Variants in KIAA0586 observed in about 807,000 individuals in gnomAD.
KIAA0586 encodes the protein protein TALPID3.
KIAA0586 carries 144 observed loss-of-function variants against 169.8 expected under a neutral mutation model. The observed-to-expected ratio is 0.85, with a 90% CI of 0.74 to 0.97. KIAA0586 has a LOEUF of 0.97. Among genes scored for constraint, KIAA0586 ranks in the 50% least tolerant of loss-of-function variants. KIAA0586 has a pLI of 0.00. For synonymous variants in KIAA0586, 625 were observed against 612.4 expected (o/e 1.02, Z -0.30); for missense variants, 1,854 against 1,823.0 (o/e 1.02, Z -0.31).
intron 21 of KIAA0586, among the ~76,000 whole-genome samples, chr14:58,484,325 C>T (rs2042225490): frequency 6.6e-6 from 1 of 152,084 alleles, no homozygotes. Context: ...TAATCTCTCA[C>T]ATATATTTTA....
At chr14:58,523,093 G>A (rs573648699) in intron 29 of KIAA0586, among the ~76,000 whole-genome samples, 6 of 151,968 alleles carry the variant, frequency 3.9e-5, no homozygotes, top group Non-Finnish European at 7.4e-5. Flanking sequence ...ACAAATGTGC[G>A]TAACTAAGGA....
chr14:58,438,629 C>G (rs553331783), intron 4 of KIAA0586, among the ~76,000 whole-genome samples: 1 of 152,228 alleles, frequency 6.6e-6, no homozygotes, highest in African/African-American at 2.4e-5. Flanking sequence ...TATTTAAACC[C>G]TGGGATGGCT....
chr14:58,557,411 A>G, the KIAA0586 span, among the ~76,000 whole-genome samples: 1 of 152,164 alleles, frequency 6.6e-6, no homozygotes, highest in Non-Finnish European at 1.5e-5. Context: ...CTGACAGAGA[A>G]ATGCTGAGTG....
chr14:58,533,982 G>A (rs2046138814), intron 29 of KIAA0586, among the ~76,000 whole-genome samples: 1 of 152,156 alleles, frequency 6.6e-6, no homozygotes, highest in Admixed American at 6.5e-5. Context: ...TGGCCTTAGG[G>A]AAGTGAACTG....
At position 58,427,913 on chromosome 14, in the gene KIAA0586, T is replaced by C. The variant is rs1369432011; in HGVS notation, c.-352T>C. ...CTTTTATTTGCTTGACTGCCTCTTC[T>C]CAACAAATTTTAAGCCCGCCACTAC... On this transcript the variant is annotated 5_prime_UTR_variant, in exon 1 of 31. Transcript: ENST00000652326. 9.5e-6 allele frequency: 13 copies of C among 1,370,266 alleles called. No individual in the cohort carries two copies. The highest frequency in any genetic ancestry group is 1.2e-5 in the Non-Finnish European group (13 of 1,046,726). The allele number at this position is 1,370,266 out of a possible 1,614,324, so 84.9% of individuals were successfully genotyped here. A position where few individuals can be genotyped will look rare whatever the true frequency, so the allele number is the denominator to read the frequency against.
At chr14:58,454,713 G>T (rs1394445011) in intron 9 of KIAA0586, among the ~76,000 whole-genome samples, 2 of 152,206 alleles carry the variant, frequency 1.3e-5, no homozygotes, top group South Asian at 4.1e-4. Flanking sequence ...GGAAGTTCAA[G>T]ATCAAGGTGC....
At chr14:58,490,311 C>A in intron 25 of KIAA0586, 71 bp downstream of exon 25, 1 of 821,012 alleles carries the variant, frequency 1.2e-6, no homozygotes, top group Non-Finnish European at 1.9e-6. Flanking sequence ...TGCCACTGAT[C>A]AGGTTTTTTC....
intron 29 of KIAA0586, among the ~76,000 whole-genome samples, chr14:58,528,002 A>G (rs1421681475): frequency 6.6e-6 from 1 of 152,198 alleles, no homozygotes; most frequent in Non-Finnish European, 1.5e-5. Context: ...AAATAAAGGG[A>G]TGGAGGAATG....
intron 6 of KIAA0586, among the ~76,000 whole-genome samples, chr14:58,448,010 G>C (rs563264744): frequency 1.2e-4 from 18 of 152,196 alleles, no homozygotes; most frequent in Non-Finnish European, 2.4e-4. Context: ...TTAGGGTGAG[G>C]GCCTCTCCTT....
intron 26 of KIAA0586, among the ~76,000 whole-genome samples, chr14:58,497,454 G>A (rs2043234036): frequency 6.6e-6 from 1 of 151,356 alleles, no homozygotes; most frequent in Non-Finnish European, 1.5e-5. Context: ...CTGCCTCCTG[G>A]TTTCAAGTGA....
At position 58,547,949 on chromosome 14, in the gene KIAA0586, A is replaced by G; in HGVS notation, c.*17A>G. ...ACCTTCTGAACGGGAAGAGACAGCCAGCACAGTGTTTATGCCACTGGTTTT... is the reference window on the plus strand; with the variant it reads ...ACCTTCTGAACGGGAAGAGACAGCCGGCACAGTGTTTATGCCACTGGTTTT... On this transcript the variant is annotated 3_prime_UTR_variant, in exon 31 of 31. Coordinates refer to ENST00000652326, the MANE Select transcript of KIAA0586 (RefSeq NM_001329943.3). 1.9e-6 allele frequency: 3 copies of G among 1,612,920 alleles called. No homozygotes were observed. The highest frequency in any genetic ancestry group is 2.7e-5 in the African/African-American group (2 of 75,022).
chr14:58,439,916 T>C (rs554161494), intron 4 of KIAA0586: 1 of 685,516 alleles, frequency 1.5e-6, no homozygotes, highest in South Asian at 6.5e-5. Context: ...CTTTCATTGT[T>C]TTCTTTGAGG....
At chr14:58,513,593 C>A (rs867742270) in intron 29 of KIAA0586, among the ~76,000 whole-genome samples, 5 of 151,488 alleles carry the variant, frequency 3.3e-5, no homozygotes, top group South Asian at 2.1e-4. Context: ...TTTTTTTTAA[C>A]CTCACCATAG....
chr14:58,461,430 GA>G (rs1401762499), intron 14 of KIAA0586, among the ~76,000 whole-genome samples: 16 of 151,784 alleles, frequency 1.1e-4, no homozygotes, highest in African/African-American at 3.6e-4. Flanking sequence ...AGGAGAAAAT[GA>G]TTTTTTTTTT....
chr14:58,440,147 T>C (rs1319565627), intron 4 of KIAA0586: 1 of 440,362 alleles, frequency 2.3e-6, no homozygotes, highest in African/African-American at 2.1e-5. Flanking sequence ...CCTCCCACAG[T>C]GCTAGGATTA....
intron 29 of KIAA0586, among the ~76,000 whole-genome samples, chr14:58,532,783 G>T (rs2046061296): frequency 6.6e-6 from 1 of 152,058 alleles, no homozygotes; most frequent in African/African-American, 2.4e-5. Flanking sequence ...AATTACTCTT[G>T]GGTTTCTAAG....
At chr14:58,535,521 G>C (rs74056194) in intron 29 of KIAA0586, among the ~76,000 whole-genome samples, 1,843 of 152,196 alleles carry the variant, frequency 0.012, 42 homozygotes, top group African/African-American at 0.042. Context: ...TCAACTTCTT[G>C]GCAGTGGGAT....
chr14:58,484,890 T>TTATA (rs2042278433), intron 21 of KIAA0586, among the ~76,000 whole-genome samples: 4 of 32,314 alleles, frequency 1.2e-4, no homozygotes, highest in African/African-American at 4.0e-4. Flanking sequence ...ATATATATAT[T>TTATA]TATATATATA....
intron 13 of KIAA0586, 107 bp from the exon 14 acceptor site, chr14:58,460,879 A>C: frequency 1.5e-6 from 1 of 688,836 alleles, no homozygotes; most frequent in Middle Eastern, 2.6e-4. Flanking sequence ...TTTTTTACTT[A>C]ATCATTCTTG....
Sources: allele counts gnomAD v4.1 joint callset (sites outside exome capture counted in the v4.1 genomes callset), GRCh38; gene constraint gnomAD v4.1.1; transcripts MANE v1.5; gene names NCBI Gene and HGNC (gene_info 2026-07-23, HGNC 2026-07-21).